Variants in CACNA2D3 observed in about 807,000 individuals in gnomAD.
CACNA2D3 encodes calcium voltage-gated channel auxiliary subunit alpha2delta 3.
Under a neutral mutation model 160.6 loss-of-function variants are expected in CACNA2D3, and 60 were observed. That is an observed-to-expected ratio of 0.37 (90% CI 0.30 to 0.46). CACNA2D3 has a LOEUF of 0.46. Among genes scored for constraint, CACNA2D3 ranks in the 20% least tolerant of loss-of-function variants. CACNA2D3 has a pLI of 1.00. For missense variants in CACNA2D3, 1,205 were observed against 1,365.0 expected, an observed-to-expected ratio of 0.88 and a Z score of 1.85; for synonymous variants, 558 against 492.9, an observed-to-expected ratio of 1.13 and a Z score of -1.75.
At chr3:54,285,778 C>T (rs567202060) in intron 2 of CACNA2D3, among the ~76,000 whole-genome samples, 5 of 152,286 alleles carry the variant, frequency 3.3e-5, no homozygotes, top group African/African-American at 7.2e-5. Context: ...CACCAAAATC[C>T]GCTGTTCTGC....
At chr3:54,408,324 T>C (rs1281702322) in intron 4 of CACNA2D3, among the ~76,000 whole-genome samples, 1 of 152,118 alleles carries the variant, frequency 6.6e-6, no homozygotes, top group African/African-American at 2.4e-5. Flanking sequence ...CATAATATCG[T>C]AATTTTCCAC....
At chr3:54,664,499 A>G (rs9989955) in intron 11 of CACNA2D3, among the ~76,000 whole-genome samples, 9,654 of 152,306 alleles carry the variant, frequency 0.063, 979 homozygotes, top group African/African-American at 0.22. Flanking sequence ...TTTCAGCATC[A>G]TCTGAAGCTA....
chr3:54,129,221 C>G (rs764764044), intron 2 of CACNA2D3, among the ~76,000 whole-genome samples: 1 of 152,214 alleles, frequency 6.6e-6, no homozygotes, highest in East Asian at 1.9e-4. Flanking sequence ...ACAGCTCACC[C>G]TTGGCAGATT....
At chr3:54,436,479 A>G (rs891247480) in intron 4 of CACNA2D3, among the ~76,000 whole-genome samples, 2 of 152,234 alleles carry the variant, frequency 1.3e-5, no homozygotes, top group African/African-American at 4.8e-5. Context: ...ACATGCACAC[A>G]TATGTTTATT....
intron 15 of CACNA2D3, among the ~76,000 whole-genome samples, chr3:54,837,849 G>A (rs1047808223): frequency 2.6e-5 from 4 of 152,176 alleles, no homozygotes; most frequent in South Asian, 2.1e-4. Context: ...TAGAGCCCAC[G>A]CTAAATCCAC....
chr3:54,758,978 A>G (rs1266280990), intron 12 of CACNA2D3, among the ~76,000 whole-genome samples: 2 of 152,196 alleles, frequency 1.3e-5, no homozygotes, highest in Non-Finnish European at 2.9e-5. Context: ...ATGATTCACC[A>G]CAGGAGCTTC....
intron 2 of CACNA2D3, among the ~76,000 whole-genome samples, chr3:54,163,430 C>A (rs988622390): frequency 1.3e-5 from 2 of 152,186 alleles, no homozygotes; most frequent in African/African-American, 4.8e-5. Flanking sequence ...ACCTGCCATT[C>A]TCTGGGAGAC....
intron 9 of CACNA2D3, among the ~76,000 whole-genome samples, chr3:54,601,916 A>G (rs1354923684): frequency 6.6e-6 from 1 of 152,100 alleles, no homozygotes; most frequent in Non-Finnish European, 1.5e-5. Context: ...ATAGTTGTGA[A>G]GGACTCTGTG....
At chr3:54,524,623 T>C (rs536466704) in intron 5 of CACNA2D3, among the ~76,000 whole-genome samples, 14 of 152,248 alleles carry the variant, frequency 9.2e-5, no homozygotes, top group African/African-American at 3.1e-4. Flanking sequence ...TCTATTTCTT[T>C]TTTCATCTCT....
At chr3:54,854,995 CA>C (rs1285924928) in intron 17 of CACNA2D3, among the ~76,000 whole-genome samples, 1 of 152,148 alleles carries the variant, frequency 6.6e-6, no homozygotes, top group Non-Finnish European at 1.5e-5. Flanking sequence ...TAAGCTTATT[CA>C]ACTGAAAGAA....
chr3:54,167,145 CTTATTGAG>C (rs962022635), intron 2 of CACNA2D3, among the ~76,000 whole-genome samples: 3 of 152,082 alleles, frequency 2.0e-5, no homozygotes, highest in Non-Finnish European at 2.9e-5. Context: ...ACCTTGCATT[CTTATTGAG>C]TTATTGAGTT....
chr3:54,852,462 A>G (rs1392682976), intron 17 of CACNA2D3, among the ~76,000 whole-genome samples: 1 of 152,206 alleles, frequency 6.6e-6, no homozygotes, highest in African/African-American at 2.4e-5. Flanking sequence ...GAACGAGTTT[A>G]AGTTTTCCTA....
chr3:54,382,269 T>G (rs2106648757), intron 3 of CACNA2D3, among the ~76,000 whole-genome samples: 1 of 152,354 alleles, frequency 6.6e-6, no homozygotes, highest in Middle Eastern at 3.4e-3. Flanking sequence ...TGGCAGTTTC[T>G]TATATAATAA....
intron 13 of CACNA2D3, among the ~76,000 whole-genome samples, chr3:54,773,687 T>C (rs1387816245): frequency 6.6e-6 from 1 of 152,228 alleles, no homozygotes; most frequent in Non-Finnish European, 1.5e-5. Flanking sequence ...TGATTATTTT[T>C]TTCCAGGAGA....
intron 4 of CACNA2D3, among the ~76,000 whole-genome samples, chr3:54,499,620 T>A (rs1037731513): frequency 1.3e-5 from 2 of 152,148 alleles, no homozygotes; most frequent in African/African-American, 4.8e-5. Flanking sequence ...TCATTTTAAT[T>A]TTTAAAAAAA....
chr3:54,473,964 T>C (rs1046771700), intron 4 of CACNA2D3, among the ~76,000 whole-genome samples: 5 of 152,196 alleles, frequency 3.3e-5, no homozygotes, highest in African/African-American at 1.2e-4. Context: ...TGTAAATTAG[T>C]TCAACCATTG....
intron 2 of CACNA2D3, among the ~76,000 whole-genome samples, chr3:54,284,041 G>A (rs988116111): frequency 2.6e-5 from 4 of 152,096 alleles, no homozygotes; most frequent in East Asian, 3.8e-4. Context: ...CAGCCTGGGC[G>A]ACACAGTGAG....
chr3:54,299,943 A>T (rs974866847), intron 2 of CACNA2D3, among the ~76,000 whole-genome samples: 1 of 152,192 alleles, frequency 6.6e-6, no homozygotes, highest in African/African-American at 2.4e-5. Context: ...TGAACGTGGG[A>T]TGGTGTAGAC....
At chr3:54,508,189 C>G (rs1232674166) in intron 5 of CACNA2D3, among the ~76,000 whole-genome samples, 1 of 152,274 alleles carries the variant, frequency 6.6e-6, no homozygotes, top group Non-Finnish European at 1.5e-5. Flanking sequence ...AGTTATGGAG[C>G]CTGGAAGGGC....
Sources: allele counts gnomAD v4.1 joint callset (sites outside exome capture counted in the v4.1 genomes callset), GRCh38; gene constraint gnomAD v4.1.1; transcripts MANE v1.5; gene names NCBI Gene and HGNC (gene_info 2026-07-23, HGNC 2026-07-21).